The following PCDHGB2 variants were observed in gnomAD, a reference collection of about 807,000 sequenced individuals.
PCDHGB2 encodes protocadherin gamma subfamily B, 2, also known as protocadherin gamma-B2.
In PCDHGB2, 55 loss-of-function variants were observed where a neutral mutation model predicts 59.3. That is an observed-to-expected ratio of 0.93 (90% CI 0.75 to 1.16). PCDHGB2 has a LOEUF of 1.16. PCDHGB2 is among the 50% of genes most tolerant of loss of function. The probability of loss-of-function intolerance (pLI) is 0.00; values close to 1 mark genes in which losing one functional copy is unlikely to be tolerated. For synonymous variants in PCDHGB2, 516 were observed against 512.0 expected, an observed-to-expected ratio of 1.01 and a Z score of -0.11; for missense variants, 1,228 against 1,198.5, an observed-to-expected ratio of 1.02 and a Z score of -0.36.
In PCDHGB2 at chr5:141,362,447, C is replaced by T. The variant is rs769703158; in HGVS notation, c.2312C>T (p.Thr771Ile). The T allele has an allele frequency of 6.2e-7, 1 of 1,614,048 alleles. No homozygotes were observed. Among genetic ancestry groups the T allele is most frequent in the Non-Finnish European group, 8.5e-7 (1 of 1,179,904 alleles). Residue 771 changes from threonine to isoleucine, a missense_variant, in exon 1 of 4, where the codon ACC (threonine) becomes ATC (isoleucine). This residue lies in a region of PCDHGB2 where 433 missense variants were observed against 441.8 expected (regional missense o/e 0.98). Transcript: ENST00000522605. ...AKTEFNFLNI[T>I]PELVPAQDLV... ...ACAGAGTTCAATTTTCTGAACATAA[C>T]CCCGGAATTGGTTCCCGCGCAAGAT...
At position 141,360,751 on chromosome 5, in the gene PCDHGB2, A is replaced by G. The variant is rs1205028174; in HGVS notation, c.616A>G (p.Ser206Gly). ...LKHSLDREEH[S>G]LHQLVLTAVD... ...ACACTCTCTGGACAGAGAAGAGCAC[A>G]GTTTACATCAATTGGTCCTCACAGC... The change falls in exon 1 of 4, where the codon AGT becomes GGT. Residue 206 changes from serine to glycine, a missense_variant. By Grantham distance (56) the Ser-to-Gly change is moderately conservative. Around this residue, in one of 3 missense-constraint regions of PCDHGB2, gnomAD observed 781 missense variants for 721.6 expected, o/e 1.08. Transcript: ENST00000522605. 1 of 1,614,000 alleles carries G rather than the reference A, an allele frequency of 6.2e-7. No homozygotes were observed. The highest frequency in any genetic ancestry group is 8.5e-7 in the Non-Finnish European group (1 of 1,179,898).
At position 141,476,112 on chromosome 5, in the gene PCDHGB2, G is replaced by A. The variant is rs1201449171; in HGVS notation, c.2422-18695G>A. 2.5e-6 allele frequency: 4 copies of A among 1,590,646 alleles called. No homozygotes were observed. Among genetic ancestry groups the A allele is most frequent in the Non-Finnish European group, 2.6e-6 (3 of 1,170,830 alleles). ...CCCCGCTGAGAGGAACTGCTTTTGA[G>A]TGAGATGGTCCCAGAGGCCTGGAGG... On this transcript the variant is annotated intron_variant, in intron 1 of 3. Transcript: ENST00000522605. The surrounding 1 kb of genome is among the most constrained non-coding windows in gnomAD (Gnocchi z 7.6).
intron 1 of PCDHGB2, chr5:141,364,177 C>T (rs1432921471): frequency 3.5e-6 from 3 of 848,492 alleles, no homozygotes; most frequent in East Asian, 3.0e-5. Context: ...GACTCTGCTC[C>T]CTCCATACTA....
At chr5:141,429,297 T>C (rs985228754) in intron 1 of PCDHGB2, 7 of 152,208 alleles carry the variant, frequency 4.6e-5, no homozygotes, top group Admixed American at 3.3e-4. Flanking sequence ...GGGACATCAA[T>C]ATTTGAGTAT....
chr5:141,417,878 C>T, intron 1 of PCDHGB2: 1 of 1,558,216 alleles, frequency 6.4e-7, no homozygotes, highest in Non-Finnish European at 8.7e-7. Context: ...GAGCTGCGCG[C>T]AGAGGCGCCG....
At chr5:141,393,722 A>T in intron 1 of PCDHGB2, 1 of 1,613,892 alleles carries the variant, frequency 6.2e-7, no homozygotes, top group Non-Finnish European at 8.5e-7. Context: ...AAATATCAAT[A>T]GCAAAAAGTC....
intron 1 of PCDHGB2, among the ~76,000 whole-genome samples, chr5:141,448,196 A>G (rs753761675): frequency 1.3e-5 from 2 of 152,176 alleles, no homozygotes; most frequent in Non-Finnish European, 2.9e-5. Context: ...TACACTTACA[A>G]ACATTTTCTG....
chr5:141,371,682 C>G, intron 1 of PCDHGB2: 4 of 1,614,036 alleles, frequency 2.5e-6, no homozygotes, highest in Non-Finnish European at 2.5e-6. Flanking sequence ...CAAAGGCAAT[C>G]CACCGCTCTC....
At chr5:141,465,184 A>G (rs866520508) in intron 1 of PCDHGB2, among the ~76,000 whole-genome samples, 2 of 152,130 alleles carry the variant, frequency 1.3e-5, no homozygotes, top group Admixed American at 6.5e-5. Flanking sequence ...ATTTAATTAA[A>G]AGATAAAAAT....
chr5:141,372,783 C>T lies in PCDHGB2; in HGVS notation c.2421+10227C>T, dbSNP rs1324941616. On this transcript the variant is annotated intron_variant, in intron 1 of 3. Coordinates refer to ENST00000522605, the MANE Select transcript of PCDHGB2 (RefSeq NM_018923.3). ...TGAAAGTAATGACAATCCAGAAATG[C>T]CTTCTAATTCAGGCAATTTGCAAAA... 5.0e-6 allele frequency: 8 copies of T among 1,606,014 alleles called. No homozygotes were observed. Among genetic ancestry groups the T allele is most frequent in the African/African-American group, 1.3e-5 (1 of 74,834 alleles).
intron 1 of PCDHGB2, chr5:141,426,612 G>A (rs2096947310): frequency 2.6e-6 from 1 of 384,602 alleles, no homozygotes; most frequent in Non-Finnish European, 5.3e-6. Flanking sequence ...GATTGTAGCA[G>A]AGAATCCTCT....
chr5:141,488,193 T>C (rs1211647195), intron 1 of PCDHGB2, among the ~76,000 whole-genome samples: 1 of 152,122 alleles, frequency 6.6e-6, no homozygotes, highest in Non-Finnish European at 1.5e-5. Flanking sequence ...TTGGTCTGGG[T>C]CTTAGGACTC....
intron 2 of PCDHGB2, among the ~76,000 whole-genome samples, chr5:141,498,956 A>G (rs547381859): frequency 2.4e-5 from 3 of 124,058 alleles, no homozygotes; most frequent in African/African-American, 6.3e-5. Context: ...AAAAAGAGAG[A>G]GAGGGAGGGA....
intron 1 of PCDHGB2, among the ~76,000 whole-genome samples, chr5:141,448,393 A>G (rs190525499): frequency 6.6e-6 from 1 of 152,306 alleles, no homozygotes; most frequent in Admixed American, 6.5e-5. Flanking sequence ...ATACATTTAC[A>G]TGGTTTTAAA....
intron 1 of PCDHGB2, among the ~76,000 whole-genome samples, chr5:141,434,881 A>C (rs1221252749): frequency 6.6e-6 from 1 of 151,958 alleles, no homozygotes; most frequent in Non-Finnish European, 1.5e-5. Context: ...AGATACCAAC[A>C]ACAATCCAGT....
rs2233600 is a variant in PCDHGB2, at chr5:141,489,134, A to C, written c.2422-5673A>C. 9,827 of 731,232 alleles carry C rather than the reference A, an allele frequency of 0.013. 1,099 individuals are homozygous for C. The East Asian group carries it at 0.25, about 19-fold the overall frequency. The allele number at this position is 731,232 out of a possible 1,614,324, so 45.3% of individuals were successfully genotyped here. A position where few individuals can be genotyped will look rare whatever the true frequency, so the allele number is the denominator to read the frequency against. Reference sequence around the variant, plus strand: ...GGCAAACCTCCGAGCAGTTTTTAAGAGGCTGGAAGGAGACATAAGAGACTT... The same window carrying C: ...GGCAAACCTCCGAGCAGTTTTTAAGCGGCTGGAAGGAGACATAAGAGACTT... On this transcript the variant is annotated intron_variant, in intron 1 of 3. Transcript: ENST00000522605. The surrounding 1 kb of genome is among the most constrained non-coding windows in gnomAD (Gnocchi z 4.5).
intron 1 of PCDHGB2, chr5:141,384,575 C>T (rs754018989): frequency 8.7e-6 from 14 of 1,614,258 alleles, no homozygotes; most frequent in South Asian, 2.2e-5. Flanking sequence ...AATGACAACC[C>T]GCCCGAGATC....
At chr5:141,396,515 G>A (rs1162905890) in intron 1 of PCDHGB2, 3 of 152,048 alleles carry the variant, frequency 2.0e-5, no homozygotes, top group Non-Finnish European at 4.4e-5. Flanking sequence ...AGCTACTCGG[G>A]AGGCTGAGGC....
chr5:141,445,341 A>G (rs1165606147), intron 1 of PCDHGB2, among the ~76,000 whole-genome samples: 2 of 152,218 alleles, frequency 1.3e-5, no homozygotes, highest in African/African-American at 4.8e-5. Context: ...AACAGTAAAC[A>G]TTGGTGTCTG....
Sources: gnomAD v4.1 joint callset for allele counts (sites outside exome capture counted in the v4.1 genomes callset) on GRCh38, gnomAD v4.1.1 for gene constraint, gnomAD v4.1.1 regional missense constraint, Gnocchi (gnomAD v3.1) non-coding constraint, MANE v1.5 for transcripts, NCBI Gene and HGNC (gene_info 2026-07-23, HGNC 2026-07-21) for gene names.